The following EDIL3 variants were observed in gnomAD, a reference collection of about 807,000 sequenced individuals.
The protein encoded by EDIL3 is EGF like and discoidin domains 3.
Under a neutral mutation model 67.4 loss-of-function variants are expected in EDIL3, and 37 were observed. The observed-to-expected ratio is 0.55, with a 90% CI of 0.42 to 0.72. The LOEUF (loss-of-function observed/expected upper bound fraction) is 0.72. Ranked by LOEUF, EDIL3 falls within the 30% of genes least tolerant of loss-of-function variation. The pLI is 0.00. For synonymous variants in EDIL3, 195 were observed against 196.3 expected, an observed-to-expected ratio of 0.99 and a Z score of 0.05; for missense variants, 527 against 586.3, an observed-to-expected ratio of 0.90 and a Z score of 1.04.
chr5:84,232,504 C>G (rs558369653), intron 2 of EDIL3, among the ~76,000 whole-genome samples: 14 of 152,198 alleles, frequency 9.2e-5, no homozygotes, highest in African/African-American at 3.1e-4. Flanking sequence ...AAGACAATTC[C>G]AAATTTAGTA....
intron 9 of EDIL3, among the ~76,000 whole-genome samples, chr5:84,006,262 T>C (rs1042467691): frequency 2.0e-5 from 3 of 152,052 alleles, no homozygotes; most frequent in Admixed American, 6.6e-5. Context: ...GACCGTACTC[T>C]ACAAAGTAAC....
intron 1 of EDIL3, among the ~76,000 whole-genome samples, chr5:84,290,388 C>T (rs1327352494): frequency 6.6e-6 from 1 of 152,178 alleles, no homozygotes; most frequent in African/African-American, 2.4e-5. Context: ...ATCTCCATTT[C>T]AGACTCTGGT....
Position 84,353,558 on chromosome 5 carries a change from T to C in EDIL3, c.67+30750A>G, listed in dbSNP as rs116441474. ...TATCTTGAACGAAAAACTGAAATCATTTATTTCAACGAATACTTAGGAAAA... is the reference window on the plus strand; with the variant it reads ...TATCTTGAACGAAAAACTGAAATCACTTATTTCAACGAATACTTAGGAAAA... On this transcript the variant is annotated intron_variant, in intron 1 of 10. Transcript: ENST00000296591. Among the ~76,000 whole-genome samples, 561 of 152,296 alleles carry C rather than the reference T, an allele frequency of 3.7e-3. 2 individuals are homozygous for C. Among genetic ancestry groups the C allele is most frequent in the Non-Finnish European group, 4.4e-3 (296 of 68,020 alleles).
At chr5:84,059,309 A>C (rs148848318) in intron 9 of EDIL3, among the ~76,000 whole-genome samples, 1 of 152,232 alleles carries the variant, frequency 6.6e-6, no homozygotes, top group African/African-American at 2.4e-5. Context: ...AGGCTGAGGC[A>C]GGAGGACTGC....
intron 1 of EDIL3, among the ~76,000 whole-genome samples, chr5:84,375,553 G>A (rs534713152): frequency 4.6e-5 from 7 of 152,200 alleles, no homozygotes; most frequent in Admixed American, 4.6e-4. Flanking sequence ...CATTACACTA[G>A]GAGAAATAAA....
At chr5:84,288,116 T>A (rs965551681) in intron 1 of EDIL3, among the ~76,000 whole-genome samples, 67 of 152,296 alleles carry the variant, frequency 4.4e-4, no homozygotes, top group African/African-American at 1.6e-3. Context: ...TTTCCCGTTG[T>A]CTTTCTCATC....
chr5:84,218,616 C>T (rs781088511), intron 3 of EDIL3, among the ~76,000 whole-genome samples: 38 of 152,276 alleles, frequency 2.5e-4, no homozygotes, highest in Admixed American at 1.1e-3. Flanking sequence ...CCTGAGAGCC[C>T]GATTCCAGGC....
intron 1 of EDIL3, among the ~76,000 whole-genome samples, chr5:84,334,566 T>A (rs1307547402): frequency 6.6e-6 from 1 of 152,196 alleles, no homozygotes; most frequent in East Asian, 1.9e-4. Context: ...CAGAGATACA[T>A]ACCTATTGAT....
intron 1 of EDIL3, among the ~76,000 whole-genome samples, chr5:84,260,356 T>C (rs942905665): frequency 2.0e-5 from 3 of 152,150 alleles, no homozygotes; most frequent in African/African-American, 7.2e-5. Context: ...TCAGCCCTCA[T>C]GATAGGTAAG....
intron 6 of EDIL3, among the ~76,000 whole-genome samples, chr5:84,100,971 C>G (rs1747355762): frequency 6.6e-6 from 1 of 151,894 alleles, no homozygotes; most frequent in African/African-American, 2.4e-5. Context: ...TTAGTGGAAA[C>G]CAAGTCATCT....
At chr5:84,132,288 T>C (rs1747982432) in intron 5 of EDIL3, among the ~76,000 whole-genome samples, 1 of 98,914 alleles carries the variant, frequency 1.0e-5, no homozygotes, top group African/African-American at 3.8e-5. Context: ...TCATATATAG[T>C]ATATATTTTA....
At chr5:83,987,863 G>GTGTA (rs1554062186) in intron 9 of EDIL3, among the ~76,000 whole-genome samples, 3 of 69,432 alleles carry the variant, frequency 4.3e-5, no homozygotes, top group Non-Finnish European at 5.0e-5. Flanking sequence ...GGGTGTGTGT[G>GTGTA]TGTATGTATA....
intron 10 of EDIL3, among the ~76,000 whole-genome samples, chr5:83,959,237 GTA>G (rs578021532): frequency 1.4e-5 from 2 of 146,668 alleles, no homozygotes; most frequent in Non-Finnish European, 1.5e-5. Flanking sequence ...ATATATATAC[GTA>G]TATATATATA....
chr5:83,941,889 A>G lies in EDIL3; in HGVS notation c.*1530T>C, dbSNP rs1744230121. ...TGATTGAAGACCACTCCATATATACATCATTAAGAAATGCTGTTAACACAT... is the reference window on the plus strand; with the variant it reads ...TGATTGAAGACCACTCCATATATACGTCATTAAGAAATGCTGTTAACACAT... On this transcript the variant is annotated 3_prime_UTR_variant, in exon 11 of 11. Coordinates refer to ENST00000296591, the MANE Select transcript of EDIL3 (RefSeq NM_005711.5). 1.3e-5 allele frequency: 2 copies of G among 152,026 alleles called. No individual in the cohort carries two copies. Among genetic ancestry groups the G allele is most frequent in the East Asian group, 1.9e-4 (1 of 5,170 alleles). 9.4% of individuals were successfully genotyped at this position (152,026 alleles called of 1,614,324 possible). A position where few individuals can be genotyped will look rare whatever the true frequency, so the allele number is the denominator to read the frequency against.
chr5:84,344,301 A>T (rs1747192999), intron 1 of EDIL3, among the ~76,000 whole-genome samples: 1 of 152,152 alleles, frequency 6.6e-6, no homozygotes, highest in East Asian at 1.9e-4. Context: ...CAAGCATTTG[A>T]AAACTTTGAC....
chr5:84,104,933 A>G (rs569118168), intron 6 of EDIL3, among the ~76,000 whole-genome samples: 1 of 152,144 alleles, frequency 6.6e-6, no homozygotes, highest in Non-Finnish European at 1.5e-5. Context: ...AAAGATGGCA[A>G]TCATTGAAGC....
intron 1 of EDIL3, among the ~76,000 whole-genome samples, chr5:84,351,243 G>A (rs1016229999): frequency 5.9e-5 from 9 of 152,020 alleles, no homozygotes; most frequent in African/African-American, 2.2e-4. Flanking sequence ...CTCTTGGCAG[G>A]GTTTTGAGAT....
At chr5:84,340,534 C>CTCTCTCTCTCTCTCTATATA (rs1432966515) in intron 1 of EDIL3, among the ~76,000 whole-genome samples, 2 of 54,196 alleles carry the variant, frequency 3.7e-5, no homozygotes, top group Non-Finnish European at 7.3e-5. Flanking sequence ...CTCTCTCTCT[C>CTCTCTCTCTCTCTCTATATA]TATATATATA....
At chr5:84,344,397 G>A (rs1024979425) in intron 1 of EDIL3, among the ~76,000 whole-genome samples, 1 of 152,000 alleles carries the variant, frequency 6.6e-6, no homozygotes, top group Non-Finnish European at 1.5e-5. Context: ...TGTGGCAAGT[G>A]TGAATGAAGA....
Sources: gnomAD v4.1 joint callset for allele counts (sites outside exome capture counted in the v4.1 genomes callset) on GRCh38, gnomAD v4.1.1 for gene constraint, MANE v1.5 for transcripts, NCBI Gene and HGNC (gene_info 2026-07-23, HGNC 2026-07-21) for gene names.